CARD10: variants seen among roughly 807,000 people sequenced by gnomAD.
CARD10 encodes the protein caspase recruitment domain-containing protein 10.
CARD10 carries 49 observed loss-of-function variants against 114.6 expected under a neutral mutation model. That is an observed-to-expected ratio of 0.43 (90% CI 0.34 to 0.54). CARD10 has a LOEUF of 0.54. Among genes scored for constraint, CARD10 ranks in the 20% least tolerant of loss-of-function variants. CARD10 has a pLI of 0.03. For synonymous variants in CARD10, 602 were observed against 593.2 expected (o/e 1.01, Z -0.21); for missense variants, 1,206 against 1,397.2 (o/e 0.86, Z 2.18).
chr22:37,502,589 G>A lies in CARD10; in HGVS notation c.1787+13C>T, dbSNP rs1209768842. The stretch of plus-strand genomic sequence containing the variant: ...ATCACCCCAGCTCCACCCACTGCAG[G>A]CAGCTACAGTACCTGTTGAGGAAGT... On this transcript the variant is annotated intron_variant, in intron 11 of 19. Coordinates refer to ENST00000251973, the MANE Select transcript of CARD10 (RefSeq NM_014550.4). 1 of 1,612,194 alleles carries A rather than the reference G, an allele frequency of 6.2e-7. No homozygotes were observed. The highest frequency in any genetic ancestry group is 8.5e-7 in the Non-Finnish European group (1 of 1,179,118).
intron 3 of CARD10, among the ~76,000 whole-genome samples, chr22:37,511,013 T>A (rs1456007060): frequency 6.9e-6 from 1 of 144,218 alleles, no homozygotes; most frequent in African/African-American, 2.6e-5. Context: ...ACCCAGGAGA[T>A]GGAGGTTACA....
chr22:37,493,950 A>G, intron 16 of CARD10, 136 bp downstream of exon 16: 1 of 712,460 alleles, frequency 1.4e-6, no homozygotes, highest in Non-Finnish European at 2.5e-6. Context: ...CCCCAGCATG[A>G]CCCCCACTCC....
In CARD10 at chr22:37,516,027, C is replaced by A. The variant is rs773306444; in HGVS notation, c.645G>T (p.Gln215His). ...ENYMIAMRLA[Q>H]LSEEKNSAVL... ...CAGCCGAGTTCTTCTCCTCACTGAG[C>A]TGTGCCAGGCGCATGGCGATCATGT... Residue 215 changes from glutamine (Q) to histidine (H), a missense_variant, in exon 3 of 20, where the codon CAG (glutamine) becomes CAT (histidine). By Grantham distance (24) the Gln-to-His change is conservative. Coordinates refer to ENST00000251973, the MANE Select transcript of CARD10 (RefSeq NM_014550.4). 1.2e-6 allele frequency: 2 copies of A among 1,602,238 alleles called. No homozygotes were observed. Among genetic ancestry groups the A allele is most frequent in the African/African-American group, 2.7e-5 (2 of 74,834 alleles).
rs1922908602 is a variant in CARD10 at position 37,494,186 on chromosome 22, C to T, written c.2376G>A (p.Leu792=). The change falls in exon 16 of 20, where the codon CTG becomes CTA. Residue 792 remains leucine, a splice_region_variant and synonymous_variant. Transcript: ENST00000251973. Reference sequence around the variant, plus strand: ...GCAGCTGGTCCAGGGCTCTCTTCTTCAGCTGGGAGGGTGCAGGGACAGAGG... The same window carrying T: ...GCAGCTGGTCCAGGGCTCTCTTCTTTAGCTGGGAGGGTGCAGGGACAGAGG... ...SSRHRGPRSN[L]KKRALDQLRL... The T allele has an allele frequency of 6.4e-7, 1 of 1,551,714 alleles. No individual in the cohort carries two copies.
At position 37,516,305 on chromosome 22, in the gene CARD10, G is replaced by A. The variant is rs765812808; in HGVS notation, c.374-7C>T. 1.1e-5 allele frequency: 18 copies of A among 1,574,594 alleles called. No individual in the cohort carries two copies. The Admixed American group carries it at 2.9e-4, about 26-fold the overall frequency. On this transcript the variant is annotated splice_region_variant and splice_polypyrimidine_tract_variant and intron_variant, in intron 2 of 19. Transcript: ENST00000251973. ...CCCTCAGGCCCCTCCTCATCTGCCA[G>A]GACAGAACAGGGGACAGAATAGGCA...
chr22:37,502,495 C>A, intron 11 of CARD10, 107 bp downstream of exon 11: 1 of 1,292,416 alleles, frequency 7.7e-7, no homozygotes, highest in Non-Finnish European at 1.1e-6. Context: ...TCTTAATCTT[C>A]CAATAGTTGC....
chr22:37,491,423 A>C, intron 19 of CARD10, 30 bp from the exon 20 acceptor site: 1 of 1,423,058 alleles, frequency 7.0e-7, no homozygotes, highest in Non-Finnish European at 9.3e-7. Flanking sequence ...CAGCGGTCAA[A>C]GTGGGGGACC....
At position 37,495,602 on chromosome 22, in the gene CARD10, ACAT is replaced by A; in HGVS notation, c.2304-19_2304-17del. 6.2e-7 allele frequency: 1 copy of A among 1,613,298 alleles called. No individual in the cohort carries two copies. ...CTGCTGGGCTCTGTGGGAGGGAGTG[ACAT>A]CATGTGTGTAGAAAGAAGGAAAGCT... On this transcript the variant is annotated splice_polypyrimidine_tract_variant and intron_variant, in intron 14 of 19. Transcript: ENST00000251973.
chr22:37,514,685 T>C (rs1230210900), intron 3 of CARD10: 1 of 152,310 alleles, frequency 6.6e-6, no homozygotes, highest in Non-Finnish European at 1.5e-5. Context: ...TGCAATGCTG[T>C]AGCCACGGCC....
rs565470955 is a variant in CARD10, at chr22:37,496,775, C to G, written c.1948-215G>C. The G allele has an allele frequency of 1.6e-5, 10 of 630,852 alleles. No homozygotes were observed. Among genetic ancestry groups the G allele is most frequent in the African/African-American group, 1.5e-4 (8 of 54,328 alleles). 39.1% of individuals were successfully genotyped at this position (630,852 alleles called of 1,614,324 possible). ...CCCAACCCGCCCAGCTCATCCAGGT[C>G]TTTCTCGACTTGAAGCGCAGGAATG... On this transcript the variant is annotated intron_variant, in intron 12 of 19. Coordinates refer to ENST00000251973, the MANE Select transcript of CARD10 (RefSeq NM_014550.4). The surrounding 1 kb of genome is among the most constrained non-coding windows in gnomAD (Gnocchi z 4.1).
chr22:37,504,011 T>G (rs750171161), intron 9 of CARD10, 175 bp downstream of exon 9: 1 of 715,790 alleles, frequency 1.4e-6, no homozygotes, highest in South Asian at 1.5e-5. Flanking sequence ...AGCCTGACCT[T>G]GGTCGCCCCT....
intron 16 of CARD10, among the ~76,000 whole-genome samples, chr22:37,493,548 C>G (rs1922883370): frequency 6.6e-6 from 1 of 152,194 alleles, no homozygotes; most frequent in Non-Finnish European, 1.5e-5. Context: ...AAGCACACCA[C>G]ACACAGCCAT....
At chr22:37,516,819 G>A (rs763807717) in intron 2 of CARD10, among the ~76,000 whole-genome samples, 5 of 152,114 alleles carry the variant, frequency 3.3e-5, no homozygotes, top group Non-Finnish European at 7.4e-5. Flanking sequence ...TACTATTATT[G>A]TACCCATCTT....
At chr22:37,504,442 G>A (rs1442838399) in intron 8 of CARD10, 141 bp from the exon 9 acceptor site, 28 of 1,082,296 alleles carry the variant, frequency 2.6e-5, no homozygotes, top group South Asian at 1.5e-4. Context: ...TATAGTGTGC[G>A]GGTGGCTCCC....
Position 37,496,445 on chromosome 22 carries a change from T to C in CARD10, c.2059+4A>G. On this transcript the variant is annotated splice_donor_region_variant and intron_variant, in intron 13 of 19. Transcript: ENST00000251973. This position sits in a 1 kb window ranked among gnomAD's most constrained non-coding sequence, Gnocchi z 4.1. ...AACAGCTCCGACTCCCAAGCCAGAC[T>C]TACCCTTCGAGTCCATCAGGGAGGG... 6.2e-7 allele frequency: 1 copy of C among 1,603,328 alleles called. No homozygotes were observed. Among genetic ancestry groups the C allele is most frequent in the Non-Finnish European group, 8.5e-7 (1 of 1,170,982 alleles).
In CARD10 at chr22:37,496,019, G is replaced by A. The variant is rs764313884; in HGVS notation, c.2060-16C>T. ...GACTGGCAGGCTGGGCATGGATGGG[G>A]CAGGGGGCAGCAAGGAGGACAAGAG... On this transcript the variant is annotated splice_polypyrimidine_tract_variant and intron_variant, in intron 13 of 19. Transcript: ENST00000251973. The surrounding 1 kb of genome is among the most constrained non-coding windows in gnomAD (Gnocchi z 4.1). 4 of 1,611,818 alleles carry A rather than the reference G, an allele frequency of 2.5e-6. No homozygotes were observed. Among genetic ancestry groups the A allele is most frequent in the South Asian group, 1.1e-5 (1 of 91,042 alleles).
At chr22:37,518,578 G>A (rs1214458504) in intron 1 of CARD10, among the ~76,000 whole-genome samples, 5 of 152,206 alleles carry the variant, frequency 3.3e-5, no homozygotes, top group Admixed American at 3.3e-4. Context: ...CCCCAGGAGT[G>A]TATGGTGCAC....
chr22:37,508,432 C>G, intron 5 of CARD10, 95 bp downstream of exon 5: 1 of 1,301,894 alleles, frequency 7.7e-7, no homozygotes, highest in Non-Finnish European at 1.0e-6. Context: ...CTCAGCGCGG[C>G]GCCTGCGTCA....
At chr22:37,504,349 T>C in intron 8 of CARD10, 48 bp from the exon 9 acceptor site, 1 of 1,312,624 alleles carries the variant, frequency 7.6e-7, no homozygotes, top group Non-Finnish European at 1.0e-6. Context: ...CCCAGCACCA[T>C]CCCAGTCCTC....
Sources: gnomAD v4.1 joint callset for allele counts (sites outside exome capture counted in the v4.1 genomes callset) on GRCh38, gnomAD v4.1.1 for gene constraint, Gnocchi (gnomAD v3.1) non-coding constraint, MANE v1.5 for transcripts, NCBI Gene and HGNC (gene_info 2026-07-23, HGNC 2026-07-21) for gene names.